NTRK3: variants seen among roughly 807,000 people sequenced by gnomAD.
NTRK3 encodes neurotrophic receptor tyrosine kinase 3.
NTRK3 carries 24 observed loss-of-function variants against 91.7 expected under a neutral mutation model. The observed-to-expected ratio is 0.26, with a 90% CI of 0.19 to 0.37. The LOEUF is 0.37. NTRK3 is among the 10% of genes least tolerant of loss of function. The pLI is 1.00. For synonymous variants in NTRK3, 483 were observed against 404.0 expected (o/e 1.20, Z -2.34); for missense variants, 880 against 1,068.9 (o/e 0.82, Z 2.46).
At chr15:88,216,352 T>C (rs1372195829) in intron 3 of NTRK3, among the ~76,000 whole-genome samples, 1 of 152,172 alleles carries the variant, frequency 6.6e-6, no homozygotes, top group East Asian at 1.9e-4. Flanking sequence ...ACTGAAAAAC[T>C]ACACAGCAGC....
Position 88,150,617 on chromosome 15 carries a change from A to G in NTRK3, c.396-3214T>C, listed in dbSNP as rs1410020151. On this transcript the variant is annotated intron_variant, in intron 5 of 18. Coordinates refer to ENST00000394480, the Ensembl canonical transcript of NTRK3. ...ACTCATGTGATCTGCCCACAGACAC[A>G]GACAACCCAGTGCCTGTTTGCAGAG... Among the ~76,000 whole-genome samples the G allele has an allele frequency of 2.6e-5, 4 of 152,182 alleles. No homozygotes were observed. The East Asian group carries it at 7.8e-4, about 30-fold the overall frequency.
intron 3 of NTRK3, among the ~76,000 whole-genome samples, chr15:88,191,503 A>G (rs1377551055): frequency 6.6e-6 from 1 of 152,206 alleles, no homozygotes; most frequent in East Asian, 1.9e-4. Flanking sequence ...AAAAGCTTCA[A>G]AAACAAGATT....
chr15:88,091,086 G>A (rs976030684), intron 13 of NTRK3, among the ~76,000 whole-genome samples: 2 of 152,160 alleles, frequency 1.3e-5, no homozygotes, highest in Non-Finnish European at 2.9e-5. Context: ...GGAGTGGAGC[G>A]GCTGACCTCT....
chr15:88,145,262 G>C (rs904210202), intron 6 of NTRK3, among the ~76,000 whole-genome samples: 1 of 152,182 alleles, frequency 6.6e-6, no homozygotes, highest in Admixed American at 6.5e-5. Flanking sequence ...GGCCCCTCCA[G>C]CCAAAAGATG....
chr15:88,052,754 T>C lies in NTRK3; in HGVS notation c.1397-19709A>G, dbSNP rs1050330931. On this transcript the variant is annotated intron_variant, in intron 13 of 18. Coordinates refer to ENST00000394480, the Ensembl canonical transcript of NTRK3. Reference sequence around the variant, plus strand: ...AGGTGGAGGGTGTCAGGGAGGGGAGTATAGGTGCAGAAGTTTGCTAGCACA... The same window carrying C: ...AGGTGGAGGGTGTCAGGGAGGGGAGCATAGGTGCAGAAGTTTGCTAGCACA... Among the ~76,000 whole-genome samples, 4 of 151,010 alleles carry C rather than the reference T, an allele frequency of 2.6e-5. No individual in the cohort carries two copies. In the Middle Eastern group the frequency reaches 0.01, roughly 385 times the overall value.
chr15:88,212,502 G>T (rs1380272664), intron 3 of NTRK3, among the ~76,000 whole-genome samples: 23 of 152,140 alleles, frequency 1.5e-4, no homozygotes. Context: ...TTACATATGA[G>T]GCAAGGTGTG....
In NTRK3 at chr15:88,112,056, G is replaced by A. The variant is rs998889358; in HGVS notation, c.1396+14215C>T. Among the ~76,000 whole-genome samples the A allele has an allele frequency of 7.2e-5, 11 of 152,032 alleles. No homozygotes were observed. The Middle Eastern group carries it at 0.01, about 142-fold the overall frequency. ...TGAGTAGCTGGGACTACAGGCACCC[G>A]CCACCACGCCCAGCTAATTTTTTGT... On this transcript the variant is annotated intron_variant, in intron 13 of 18. Coordinates refer to ENST00000394480, the Ensembl canonical transcript of NTRK3.
chr15:87,871,906 TTAA>T (rs2141412448), exon 19 of NTRK3: 1 of 221,010 alleles, frequency 4.5e-6, no homozygotes, highest in East Asian at 6.6e-5. Context: ...TATTGATGTC[TTAA>T]TAATGATGCA....
intron 17 of NTRK3, among the ~76,000 whole-genome samples, chr15:87,886,703 T>C (rs1465765747): frequency 4.3e-5 from 6 of 139,954 alleles, no homozygotes; most frequent in Admixed American, 2.2e-4. Context: ...TATATATACA[T>C]ATATACACAC....
chr15:88,159,846 C>G (rs981839505), intron 5 of NTRK3, among the ~76,000 whole-genome samples: 1 of 151,874 alleles, frequency 6.6e-6, no homozygotes, highest in African/African-American at 2.4e-5. Context: ...TGCACATTGA[C>G]TAAAGGGAGG....
At chr15:87,894,337 T>C (rs558311010) in intron 17 of NTRK3, among the ~76,000 whole-genome samples, 91 of 152,318 alleles carry the variant, frequency 6.0e-4, no homozygotes, top group African/African-American at 2.1e-3. Context: ...GGTTTGGGAA[T>C]TCACTTGCAT....
At chr15:87,874,760 C>T (rs2141424037) in exon 19 of NTRK3, 1 of 232,236 alleles carries the variant, frequency 4.3e-6, no homozygotes, top group Non-Finnish European at 8.5e-6. Flanking sequence ...GATTGTGCAG[C>T]TTCAGCCAGA....
exon 19 of NTRK3, chr15:87,863,946 T>C (rs1222138097): frequency 8.6e-6 from 2 of 231,288 alleles, no homozygotes; most frequent in African/African-American, 2.2e-5. Flanking sequence ...CTACATTCTA[T>C]CTGCCTTTAA....
exon 19 of NTRK3, chr15:87,870,648 G>C (rs16940941): frequency 0.058 from 12,534 of 215,828 alleles, 435 homozygotes; most frequent in South Asian, 0.12. Flanking sequence ...TACACCGTAA[G>C]TATTTGAGCT....
At chr15:88,126,155 G>A in intron 13 of NTRK3, 116 bp downstream of exon 13, 1 of 758,588 alleles carries the variant, frequency 1.3e-6, no homozygotes. Context: ...GTACCAGTTA[G>A]ACCCCATGAC....
chr15:88,113,459 G>A (rs2051673886), intron 13 of NTRK3, among the ~76,000 whole-genome samples: 3 of 151,774 alleles, frequency 2.0e-5, no homozygotes, highest in Admixed American at 2.0e-4. Context: ...GGGATTAAAG[G>A]TGCACACGAC....
intron 14 of NTRK3, among the ~76,000 whole-genome samples, chr15:87,993,090 T>C (rs2075412311): frequency 6.6e-6 from 1 of 152,172 alleles, no homozygotes; most frequent in South Asian, 2.1e-4. Context: ...AAAAAAAATA[T>C]CTTAACATCA....
In NTRK3 at chr15:88,136,457, G is replaced by T. The variant is rs2151207485; in HGVS notation, c.765+10C>A. On this transcript the variant is annotated intron_variant, in intron 8 of 18. Coordinates refer to ENST00000394480, the Ensembl canonical transcript of NTRK3. ...AGCCTCCTGATGGGGCTGAAGCCCA[G>T]GATGCCTACCTGGTGAGTGTTGATG... 6.2e-7 allele frequency: 1 copy of T among 1,614,174 alleles called. No individual in the cohort carries two copies. Among genetic ancestry groups the T allele is most frequent in the Non-Finnish European group, 8.5e-7 (1 of 1,180,028 alleles).
At chr15:87,981,437 T>G (rs982492796) in intron 14 of NTRK3, 11 of 1,606,644 alleles carry the variant, frequency 6.8e-6, no homozygotes, top group African/African-American at 1.3e-5. Context: ...GAAAGTATTT[T>G]TCTTAAGTGC....
Sources: allele counts gnomAD v4.1 joint callset (sites outside exome capture counted in the v4.1 genomes callset), GRCh38; gene constraint gnomAD v4.1.1; transcripts MANE v1.5; gene names NCBI Gene and HGNC (gene_info 2026-07-23, HGNC 2026-07-21).